HTR7: variants seen among roughly 807,000 people sequenced by gnomAD.
HTR7 encodes 5-hydroxytryptamine receptor 7.
Under a neutral mutation model 34.0 loss-of-function variants are expected in HTR7, and 16 were observed. The observed-to-expected ratio is 0.47, with a 90% confidence interval of 0.32 to 0.71. The LOEUF (loss-of-function observed/expected upper bound fraction) is 0.71, where lower values mean the gene tolerates loss of function less well. Among genes scored for constraint, HTR7 ranks in the 30% least tolerant of loss-of-function variants. The pLI is 0.04. For missense variants in HTR7, 504 were observed against 625.5 expected (o/e 0.81, Z 2.07); for synonymous variants, 265 against 260.2 (o/e 1.02, Z -0.18).
chr10:90,814,439 G>T (rs1391463775), intron 1 of HTR7, among the ~76,000 whole-genome samples: 1 of 152,190 alleles, frequency 6.6e-6, no homozygotes, highest in Non-Finnish European at 1.5e-5. Flanking sequence ...GTAGCAAATT[G>T]GCTGTTTCAG....
chr10:90,852,302 C>T (rs1157596193), intron 1 of HTR7, among the ~76,000 whole-genome samples: 1 of 150,348 alleles, frequency 6.7e-6, no homozygotes, highest in African/African-American at 2.5e-5. Context: ...TAATGCAGAA[C>T]AAAACAAAGA....
chr10:90,820,138 T>C (rs1036492896), intron 1 of HTR7, among the ~76,000 whole-genome samples: 3 of 152,138 alleles, frequency 2.0e-5, no homozygotes, highest in African/African-American at 7.2e-5. Context: ...AGTCTTTTGT[T>C]TGGTATGGCA....
chr10:90,831,982 A>G (rs1400990564), intron 1 of HTR7, among the ~76,000 whole-genome samples: 1 of 152,226 alleles, frequency 6.6e-6, no homozygotes, highest in Non-Finnish European at 1.5e-5. Flanking sequence ...TGAGCTAGAC[A>G]TAGGGTGCTG....
intron 1 of HTR7, among the ~76,000 whole-genome samples, chr10:90,789,822 G>A (rs1426703728): frequency 6.6e-6 from 1 of 152,080 alleles, no homozygotes. Context: ...TGGATAAGCT[G>A]GGTGACCTTG....
intron 1 of HTR7, among the ~76,000 whole-genome samples, chr10:90,842,199 G>A (rs545105057): frequency 6.0e-4 from 92 of 152,236 alleles, no homozygotes; most frequent in African/African-American, 2.1e-3. Flanking sequence ...AAAAGGGCTG[G>A]AGTAAATTTG....
intron 1 of HTR7, among the ~76,000 whole-genome samples, chr10:90,821,439 A>C (rs1232044431): frequency 6.6e-6 from 1 of 152,222 alleles, no homozygotes. Flanking sequence ...GGAGCATTTA[A>C]ACCAACCCTA....
chr10:90,815,908 G>A (rs145284140), intron 1 of HTR7, among the ~76,000 whole-genome samples: 71 of 152,290 alleles, frequency 4.7e-4, no homozygotes, highest in African/African-American at 1.6e-3. Flanking sequence ...GATGATTACT[G>A]AGACTTTAAG....
intron 1 of HTR7, among the ~76,000 whole-genome samples, chr10:90,830,364 T>G (rs970982060): frequency 6.6e-6 from 1 of 152,238 alleles, no homozygotes; most frequent in Non-Finnish European, 1.5e-5. Flanking sequence ...TCTAAATTTG[T>G]AACCAGATGA....
chr10:90,857,616 A>G lies in HTR7; in HGVS notation c.56T>C (p.Phe19Ser). 1 of 1,599,742 alleles carries G rather than the reference A, an allele frequency of 6.3e-7. No homozygotes were observed. ...CCCGCGCCCCACTTCTGGCAGAAGG[A>G]AAGAGCGGAGGTGCCCGTAGAGGTC... ...RPDLYGHLRS[F>S]LLPEVGRGLP... Residue 19 changes from phenylalanine (F) to serine (S), a missense_variant, in exon 1 of 4, where the codon TTC becomes TCC. Physicochemically the swap from Phe to Ser is radical, Grantham distance 155. This residue lies in a region of HTR7 where 139 missense variants were observed against 117.1 expected (regional missense o/e 1.19). Coordinates refer to ENST00000336152, the MANE Select transcript of HTR7 (RefSeq NM_019859.4). This position sits in a 1 kb window ranked among gnomAD's most constrained non-coding sequence, Gnocchi z 6.5.
chr10:90,793,688 A>C (rs1845494290), intron 1 of HTR7, among the ~76,000 whole-genome samples: 1 of 152,024 alleles, frequency 6.6e-6, no homozygotes, highest in African/African-American at 2.4e-5. Context: ...ATTGACACAC[A>C]CGATCACAAG....
At chr10:90,755,820 T>C (rs946033209) in intron 1 of HTR7, among the ~76,000 whole-genome samples, 1 of 152,232 alleles carries the variant, frequency 6.6e-6, no homozygotes, top group African/African-American at 2.4e-5. Context: ...ATTTGTAATA[T>C]CTATTAAAGC....
chr10:90,777,651 T>C (rs1342090879), intron 1 of HTR7, among the ~76,000 whole-genome samples: 6 of 152,210 alleles, frequency 3.9e-5, no homozygotes, highest in Non-Finnish European at 7.3e-5. Flanking sequence ...TTGGTCTCAC[T>C]GGCCAGGGCT....
intron 2 of HTR7, among the ~76,000 whole-genome samples, chr10:90,748,104 G>C (rs1177944727): frequency 6.6e-6 from 1 of 152,156 alleles, no homozygotes; most frequent in African/African-American, 2.4e-5. Flanking sequence ...CACCTGCCAA[G>C]ATGGGCAGGA....
At chr10:90,801,647 C>T (rs1212494441) in intron 1 of HTR7, among the ~76,000 whole-genome samples, 2 of 152,192 alleles carry the variant, frequency 1.3e-5, no homozygotes, top group African/African-American at 4.8e-5. Context: ...GGGAAAGCTC[C>T]TCCTTGGCCC....
chr10:90,817,554 T>A (rs1845916498), intron 1 of HTR7, among the ~76,000 whole-genome samples: 1 of 152,212 alleles, frequency 6.6e-6, no homozygotes, highest in Admixed American at 6.5e-5. Context: ...AAGTATGTAA[T>A]AATTTGTCTC....
intron 1 of HTR7, among the ~76,000 whole-genome samples, chr10:90,803,516 G>A (rs1048296267): frequency 3.2e-4 from 49 of 152,092 alleles, no homozygotes; most frequent in African/African-American, 1.1e-3. Flanking sequence ...GAACCCACTC[G>A]CCCCACTCCT....
At chr10:90,837,403 G>A (rs1264432405) in intron 1 of HTR7, among the ~76,000 whole-genome samples, 2 of 152,134 alleles carry the variant, frequency 1.3e-5, no homozygotes, top group African/African-American at 4.8e-5. Flanking sequence ...TTCATGTGTT[G>A]GAAACTTAAT....
chr10:90,819,273 C>T (rs1845942371), intron 1 of HTR7, among the ~76,000 whole-genome samples: 1 of 152,076 alleles, frequency 6.6e-6, no homozygotes, highest in Non-Finnish European at 1.5e-5. Context: ...ACCCACTTAC[C>T]CTGGGTAATT....
chr10:90,824,777 A>AC (rs1322434779), intron 1 of HTR7, among the ~76,000 whole-genome samples: 2 of 151,984 alleles, frequency 1.3e-5, no homozygotes, highest in African/African-American at 2.4e-5. Context: ...ATGGGGAGAG[A>AC]CCCCTCTTCT....
Sources: allele counts gnomAD v4.1 joint callset (sites outside exome capture counted in the v4.1 genomes callset), GRCh38; gene constraint gnomAD v4.1.1; regional missense constraint gnomAD v4.1.1; non-coding constraint Gnocchi (gnomAD v3.1); transcripts MANE v1.5; gene names NCBI Gene and HGNC (gene_info 2026-07-23, HGNC 2026-07-21).